DNAH9: variants seen among roughly 807,000 people sequenced by gnomAD.
DNAH9 encodes the protein dynein axonemal heavy chain 9, also known as DNAH9 variant protein.
Under a neutral mutation model 471.6 loss-of-function variants are expected in DNAH9, and 345 were observed. The observed-to-expected ratio is 0.73, with a 90% CI of 0.67 to 0.80. The LOEUF (loss-of-function observed/expected upper bound fraction) is 0.80, where lower values mean the gene tolerates loss of function less well. Among genes scored for constraint, DNAH9 ranks in the 30% least tolerant of loss-of-function variants. The pLI is 0.00. For missense variants in DNAH9, 5,407 were observed against 5,609.2 expected (o/e 0.96, Z 1.15); for synonymous variants, 2,093 against 2,123.6 (o/e 0.99, Z 0.40).
At chr17:11,635,498 A>G (rs1392875975) in intron 8 of DNAH9, among the ~76,000 whole-genome samples, 1 of 151,874 alleles carries the variant, frequency 6.6e-6, no homozygotes, top group Non-Finnish European at 1.5e-5. Flanking sequence ...CAATTTTTTT[A>G]ATTCTCTTTT....
intron 28 of DNAH9, among the ~76,000 whole-genome samples, chr17:11,735,114 C>G (rs1208541938): frequency 6.6e-6 from 1 of 152,152 alleles, no homozygotes; most frequent in African/African-American, 2.4e-5. Flanking sequence ...AGGTTAAGTG[C>G]CTTATGTCTT....
At chr17:11,662,159 G>A (rs2073777750) in intron 14 of DNAH9, among the ~76,000 whole-genome samples, 1 of 152,042 alleles carries the variant, frequency 6.6e-6, no homozygotes, top group Non-Finnish European at 1.5e-5. Context: ...TTTCTTATAA[G>A]AAGTCAGTCA....
At chr17:11,851,184 C>T (rs1019590224) in intron 49 of DNAH9, among the ~76,000 whole-genome samples, 6 of 152,022 alleles carry the variant, frequency 3.9e-5, no homozygotes, top group African/African-American at 1.4e-4. Context: ...GATCTTGGCT[C>T]CTTGCAACCT....
chr17:11,872,646 C>T (rs546686595), intron 52 of DNAH9, among the ~76,000 whole-genome samples: 1 of 152,276 alleles, frequency 6.6e-6, no homozygotes, highest in South Asian at 2.1e-4. Context: ...GTGGGCCGGG[C>T]GCGGTGGCTC....
At chr17:11,613,478 G>A (rs528839860) in intron 4 of DNAH9, among the ~76,000 whole-genome samples, 9 of 152,166 alleles carry the variant, frequency 5.9e-5, no homozygotes, top group African/African-American at 9.6e-5. Flanking sequence ...AAAATTAGCC[G>A]GGCGTAGTCC....
At position 11,845,943 on chromosome 17, in the gene DNAH9, G is replaced by T. The variant is rs1325073079; in HGVS notation, c.9508-8060G>T. ...GTAGGTTGTGAAAATTTTCTCCCAT[G>T]TTGTAGGTTGCCTGTTCACTCTGAT... On this transcript the variant is annotated intron_variant, in intron 49 of 68. Transcript: ENST00000262442. 6.0e-3 allele frequency among the ~76,000 whole-genome samples: 897 copies of T among 150,456 alleles called. 9 individuals carry two copies. The highest frequency in any genetic ancestry group is 0.021 in the African/African-American group (859 of 40,574).
At position 11,822,495 on chromosome 17, in the gene DNAH9, C is replaced by T. The variant is rs764580634; in HGVS notation, c.8908C>T (p.Pro2970Ser). 13 of 1,614,186 alleles carry T rather than the reference C, an allele frequency of 8.1e-6. No homozygotes were observed. The East Asian group carries it at 2.9e-4, about 36-fold the overall frequency. Reference sequence around the variant, plus strand: ...GCTAAGAGTCCGCAGCAGGAAGTTCCCAGCCATTGTGAACTGCACAGCCAT... The same window carrying T: ...GCTAAGAGTCCGCAGCAGGAAGTTCTCAGCCATTGTGAACTGCACAGCCAT... ...NKLRVRSRKF[P>S]AIVNCTAIHW... The change falls in exon 47 of 69, where the codon CCA becomes TCA. Residue 2970 changes from proline to serine, a missense_variant. Physicochemically the swap from Pro to Ser is moderately conservative, Grantham distance 74. Coordinates refer to ENST00000262442, the MANE Select transcript of DNAH9 (RefSeq NM_001372.4).
intron 17 of DNAH9, among the ~76,000 whole-genome samples, chr17:11,676,692 A>G (rs1443849194): frequency 6.6e-6 from 1 of 151,920 alleles, no homozygotes; most frequent in Admixed American, 6.6e-5. Flanking sequence ...TTTTTATTTC[A>G]ATAATTTATT....
chr17:11,868,749 A>G (rs1597760519), intron 50 of DNAH9, among the ~76,000 whole-genome samples: 2 of 152,006 alleles, frequency 1.3e-5, no homozygotes, highest in East Asian at 3.9e-4. Context: ...GGCTACTGGA[A>G]CCCATTTTTC....
chr17:11,669,473 G>A lies in DNAH9; in HGVS notation c.3032G>A (p.Ser1011Asn). The change falls in exon 17 of 69, where the codon AGC becomes AAC. Residue 1011 changes from serine (S) to asparagine (N), a missense_variant. Transcript: ENST00000262442. ...GLCCGYQSTFSQYSYLYVEDR... is the reference protein window; with the variant it reads ...GLCCGYQSTFNQYSYLYVEDR... ...TGCTGTGGCTATCAGAGCACCTTCA[G>A]CCAGTATTCGTACCTCTATGTGGAG... The A allele has an allele frequency of 6.2e-7, 1 of 1,614,174 alleles. No homozygotes were observed. The highest frequency in any genetic ancestry group is 8.5e-7 in the Non-Finnish European group (1 of 1,180,032).
chr17:11,614,583 C>G (rs2072704232), intron 4 of DNAH9, among the ~76,000 whole-genome samples: 1 of 152,198 alleles, frequency 6.6e-6, no homozygotes, highest in African/African-American at 2.4e-5. Flanking sequence ...GCTGCTTTAA[C>G]AGAATACCAC....
intron 45 of DNAH9, among the ~76,000 whole-genome samples, chr17:11,820,891 A>G (rs925886298): frequency 2.0e-5 from 3 of 151,968 alleles, no homozygotes; most frequent in African/African-American, 4.8e-5. Context: ...ATCCTTCCCC[A>G]CTCAGAGATT....
intron 50 of DNAH9, among the ~76,000 whole-genome samples, chr17:11,860,441 A>C (rs1971801590): frequency 6.6e-6 from 1 of 152,220 alleles, no homozygotes. Context: ...TTGTCTAGAA[A>C]TGTCTTCGTT....
At chr17:11,894,662 C>T (rs1448253760) in intron 59 of DNAH9, among the ~76,000 whole-genome samples, 166 bp downstream of exon 59, 5 of 152,184 alleles carry the variant, frequency 3.3e-5, no homozygotes, top group Non-Finnish European at 2.9e-5. Context: ...GCTCATCTTT[C>T]CTGGGCCTGC....
rs750367201 is a variant in DNAH9, at chr17:11,690,198, T to TC, written c.4381dup (p.Leu1461ProfsTer5). 6.2e-7 allele frequency: 1 copy of TC among 1,614,098 alleles called. No homozygotes were observed. Among genetic ancestry groups the TC allele is most frequent in the South Asian group, 1.1e-5 (1 of 91,072 alleles). ...TATGAGCCCCACCCACGGACCAATG[T>TC]CCCCCTCCTGTGCTCTGATGAGGAC... On this transcript the variant is annotated frameshift_variant, in exon 20 of 69. Transcript: ENST00000262442. LOFTEE classifies it high-confidence loss of function.
chr17:11,795,088 A>G (rs1969196540), intron 42 of DNAH9, among the ~76,000 whole-genome samples: 1 of 152,028 alleles, frequency 6.6e-6, no homozygotes, highest in Non-Finnish European at 1.5e-5. Context: ...AAATACATAT[A>G]TATATATAAG....
At chr17:11,842,994 TA>T (rs1316003196) in intron 49 of DNAH9, among the ~76,000 whole-genome samples, 1 of 150,842 alleles carries the variant, frequency 6.6e-6, no homozygotes, top group Non-Finnish European at 1.5e-5. Flanking sequence ...TGTTCCTCAT[TA>T]AAACTCTCAG....
intron 4 of DNAH9, among the ~76,000 whole-genome samples, chr17:11,617,150 C>T (rs1217622806): frequency 6.6e-6 from 1 of 152,122 alleles, no homozygotes. Context: ...TTACTACCCA[C>T]CAAGCACCAG....
At chr17:11,736,589 C>T (rs893495439) in intron 28 of DNAH9, among the ~76,000 whole-genome samples, 3 of 152,208 alleles carry the variant, frequency 2.0e-5, no homozygotes, top group East Asian at 3.9e-4. Flanking sequence ...ATTTGCTCTG[C>T]GGACCGCAGT....
Sources: gnomAD v4.1 joint callset for allele counts (sites outside exome capture counted in the v4.1 genomes callset) on GRCh38, gnomAD v4.1.1 for gene constraint, MANE v1.5 for transcripts, NCBI Gene and HGNC (gene_info 2026-07-23, HGNC 2026-07-21) for gene names.